The following HS6ST3 variants were observed in gnomAD, a reference collection of about 807,000 sequenced individuals.
The protein encoded by HS6ST3 is heparan-sulfate 6-O-sulfotransferase 3.
HS6ST3 carries 12 observed loss-of-function variants against 36.7 expected under a neutral mutation model. That is an observed-to-expected ratio of 0.33 (90% CI 0.21 to 0.53). The LOEUF (loss-of-function observed/expected upper bound fraction) is 0.53. HS6ST3 is among the 20% of genes least tolerant of loss of function. The probability of loss-of-function intolerance (pLI) is 0.95; values close to 1 mark genes in which losing one functional copy is unlikely to be tolerated. For synonymous variants in HS6ST3, 240 were observed against 257.5 expected (o/e 0.93, Z 0.65); for missense variants, 584 against 640.9 (o/e 0.91, Z 0.96).
intron 1 of HS6ST3, among the ~76,000 whole-genome samples, chr13:96,398,036 TG>T (rs1163599157): frequency 1.3e-5 from 2 of 152,200 alleles, no homozygotes; most frequent in African/African-American, 2.4e-5. Context: ...TGCAGTTGTG[TG>T]GCCTTGTGCA....
intron 1 of HS6ST3, among the ~76,000 whole-genome samples, chr13:96,699,893 A>G (rs1413480390): frequency 6.6e-6 from 1 of 152,246 alleles, no homozygotes; most frequent in Non-Finnish European, 1.5e-5. Context: ...CAAACACAAA[A>G]TACAAAATAC....
intron 1 of HS6ST3, among the ~76,000 whole-genome samples, chr13:96,625,433 C>A (rs2138997495): frequency 6.6e-6 from 1 of 152,262 alleles, no homozygotes; most frequent in African/African-American, 2.4e-5. Context: ...CTTTACAAGG[C>A]ATAGCAAGTT....
intron 1 of HS6ST3, among the ~76,000 whole-genome samples, chr13:96,296,129 G>T (rs569111215): frequency 1.3e-5 from 2 of 152,242 alleles, no homozygotes; most frequent in Admixed American, 6.5e-5. Flanking sequence ...ACGTGTGTCT[G>T]GTGGCTCCTG....
At chr13:96,204,647 C>G (rs1434152392) in intron 1 of HS6ST3, among the ~76,000 whole-genome samples, 2 of 152,176 alleles carry the variant, frequency 1.3e-5, no homozygotes, top group Non-Finnish European at 2.9e-5. Flanking sequence ...AACAGTCTCT[C>G]AGACCACAGT....
chr13:96,317,116 C>T (rs2054973947), intron 1 of HS6ST3, among the ~76,000 whole-genome samples: 1 of 151,642 alleles, frequency 6.6e-6, no homozygotes, highest in African/African-American at 2.4e-5. Context: ...TGCCTTCTTT[C>T]TTCCTCCTTC....
rs189341812 is a variant in HS6ST3, at chr13:96,314,938, A to G, written c.707+223369A>G. On this transcript the variant is annotated intron_variant, in intron 1 of 1. Transcript: ENST00000376705. ...ATAATAAATAATAGATTAGGCAACA[A>G]AAGCAAAAACAAATAAAATATACCA... Among the ~76,000 whole-genome samples, 12 of 152,298 alleles carry G rather than the reference A, an allele frequency of 7.9e-5. 1 individual carries two copies. Among genetic ancestry groups the G allele is most frequent in the Non-Finnish European group, 2.9e-5 (2 of 68,010 alleles).
chr13:96,567,424 C>T (rs1300283700), intron 1 of HS6ST3, among the ~76,000 whole-genome samples: 1 of 152,040 alleles, frequency 6.6e-6, no homozygotes, highest in African/African-American at 2.4e-5. Flanking sequence ...TTCCCATCAG[C>T]AACATTGGAC....
chr13:96,626,833 A>ATT (rs112269636), intron 1 of HS6ST3, among the ~76,000 whole-genome samples: 2 of 151,936 alleles, frequency 1.3e-5, no homozygotes, highest in African/African-American at 4.8e-5. Flanking sequence ...TCTACATAGT[A>ATT]TTTTTTTTAA....
At chr13:96,257,648 T>C (rs568737712) in intron 1 of HS6ST3, among the ~76,000 whole-genome samples, 1 of 152,216 alleles carries the variant, frequency 6.6e-6, no homozygotes, top group Non-Finnish European at 1.5e-5. Context: ...CAGTGCATAC[T>C]ACTTAGCAAG....
rs189527032 is a variant in HS6ST3 at position 96,557,985 on chromosome 13, G to C, written c.708-274505G>C. Reference sequence around the variant, plus strand: ...CAAGGTTAGCAGGAGGGGTAAATAAGTATATAAATTCTCTATTTGCTTTGG... The same window carrying C: ...CAAGGTTAGCAGGAGGGGTAAATAACTATATAAATTCTCTATTTGCTTTGG... On this transcript the variant is annotated intron_variant, in intron 1 of 1. Transcript: ENST00000376705. Among the ~76,000 whole-genome samples the C allele has an allele frequency of 4.6e-5, 7 of 152,272 alleles. No homozygotes were observed. The East Asian group carries it at 1.4e-3, about 29-fold the overall frequency.
At chr13:96,288,827 A>G (rs2054816133) in intron 1 of HS6ST3, among the ~76,000 whole-genome samples, 1 of 152,092 alleles carries the variant, frequency 6.6e-6, no homozygotes, top group Non-Finnish European at 1.5e-5. Flanking sequence ...AAATCAGGAA[A>G]ATAAAATCAT....
At chr13:96,418,994 G>A (rs928874448) in intron 1 of HS6ST3, among the ~76,000 whole-genome samples, 2 of 152,190 alleles carry the variant, frequency 1.3e-5, no homozygotes, top group Admixed American at 6.5e-5. Flanking sequence ...GGCATGAAAC[G>A]CCCCGATAAA....
chr13:96,175,220 A>G lies in HS6ST3; in HGVS notation c.707+83651A>G, dbSNP rs558316605. Among the ~76,000 whole-genome samples the G allele has an allele frequency of 2.6e-4, 39 of 152,156 alleles. 1 individual carries two copies. In the South Asian group the frequency reaches 7.7e-3, roughly 30 times the overall value. On this transcript the variant is annotated intron_variant, in intron 1 of 1. Transcript: ENST00000376705. ...TGTCTTTATTTTGCCCTCTCATTTA[A>G]TATTTGATTTGAAATGAAAGTTCGG...
chr13:96,666,490 T>A (rs2056664748), intron 1 of HS6ST3, among the ~76,000 whole-genome samples: 1 of 152,134 alleles, frequency 6.6e-6, no homozygotes, highest in Non-Finnish European at 1.5e-5. Flanking sequence ...TTCTTTTCAA[T>A]ATTATTAGAT....
At chr13:96,827,933 G>C (rs1025768292) in intron 1 of HS6ST3, among the ~76,000 whole-genome samples, 1 of 152,168 alleles carries the variant, frequency 6.6e-6, no homozygotes, top group Non-Finnish European at 1.5e-5. Flanking sequence ...ACTAAAGCAG[G>C]ATTAATAATG....
chr13:96,184,333 C>T (rs1223008220), intron 1 of HS6ST3, among the ~76,000 whole-genome samples: 2 of 151,214 alleles, frequency 1.3e-5, no homozygotes, highest in African/African-American at 2.4e-5. Context: ...ATCTGTTGTA[C>T]TTGGAATTTT....
intron 1 of HS6ST3, among the ~76,000 whole-genome samples, chr13:96,651,624 TCTC>T (rs1464157461): frequency 3.3e-5 from 5 of 152,116 alleles, no homozygotes; most frequent in African/African-American, 1.2e-4. Context: ...ATAAAAAACT[TCTC>T]CTTCAAGTAA....
intron 1 of HS6ST3, among the ~76,000 whole-genome samples, chr13:96,406,589 T>G (rs2055479721): frequency 6.6e-6 from 1 of 152,228 alleles, no homozygotes; most frequent in Non-Finnish European, 1.5e-5. Flanking sequence ...AGGTAGGAAT[T>G]GCGCTATATT....
intron 1 of HS6ST3, among the ~76,000 whole-genome samples, chr13:96,678,543 C>T (rs941975230): frequency 9.9e-5 from 15 of 151,850 alleles, no homozygotes; most frequent in African/African-American, 1.9e-4. Context: ...GATATGGTGG[C>T]GGGTGCCTGT....
Sources: gnomAD v4.1 joint callset for allele counts (sites outside exome capture counted in the v4.1 genomes callset) on GRCh38, gnomAD v4.1.1 for gene constraint, MANE v1.5 for transcripts, NCBI Gene and HGNC (gene_info 2026-07-23, HGNC 2026-07-21) for gene names.